The following CHN2 variants were observed in gnomAD, a reference collection of about 807,000 sequenced individuals.
The protein encoded by CHN2 is beta-chimaerin.
Under a neutral mutation model 56.3 loss-of-function variants are expected in CHN2, and 35 were observed. The ratio of observed to expected loss-of-function variants is 0.62; its 90% CI spans 0.47 to 0.82. The LOEUF is 0.82. Ranked by LOEUF, CHN2 falls within the 40% of genes least tolerant of loss-of-function variation. CHN2 has a pLI of 0.00. For missense variants in CHN2, 491 were observed against 580.5 expected (o/e 0.85, Z 1.58); for synonymous variants, 210 against 212.8 (o/e 0.99, Z 0.12).
chr7:29,272,343 C>T (rs140559502), intron 1 of CHN2, among the ~76,000 whole-genome samples: 1 of 152,128 alleles, frequency 6.6e-6, no homozygotes, highest in Non-Finnish European at 1.5e-5. Context: ...GACTATGCCT[C>T]GTTGAGAGCT....
At chr7:29,499,222 C>A (rs1412180114) in intron 8 of CHN2, among the ~76,000 whole-genome samples, 2 of 152,128 alleles carry the variant, frequency 1.3e-5, no homozygotes, top group Non-Finnish European at 2.9e-5. Flanking sequence ...TTGTTATAAA[C>A]TCTCAAGTAC....
At chr7:29,371,988 C>T (rs1029082348) in intron 3 of CHN2, among the ~76,000 whole-genome samples, 20 of 152,018 alleles carry the variant, frequency 1.3e-4, no homozygotes, top group Non-Finnish European at 2.1e-4. Context: ...CTCACATATA[C>T]ACACACACAT....
At chr7:29,162,078 A>G (rs1379358728) in intron 2 of CHN2, among the ~76,000 whole-genome samples, 2 of 152,242 alleles carry the variant, frequency 1.3e-5, no homozygotes, top group African/African-American at 2.4e-5. Flanking sequence ...GCTGGTGGCA[A>G]TGTTAAACAG....
chr7:29,279,960 A>G (rs968963498), intron 1 of CHN2, among the ~76,000 whole-genome samples: 1 of 152,218 alleles, frequency 6.6e-6, no homozygotes, highest in Non-Finnish European at 1.5e-5. Context: ...GCTGTTGTCA[A>G]AATCAAGAGG....
At chr7:29,187,676 C>T (rs554046534) in intron 2 of CHN2, among the ~76,000 whole-genome samples, 7 of 151,970 alleles carry the variant, frequency 4.6e-5, no homozygotes, top group Admixed American at 1.3e-4. Flanking sequence ...TGCAATGAGC[C>T]GAGATTGCAC....
At chr7:29,308,891 A>G (rs1794370073) in intron 1 of CHN2, among the ~76,000 whole-genome samples, 1 of 152,182 alleles carries the variant, frequency 6.6e-6, no homozygotes, top group African/African-American at 2.4e-5. Context: ...TTCTTTGTTA[A>G]TTGTGTTCCT....
chr7:29,469,346 G>A (rs1410666427), intron 6 of CHN2, among the ~76,000 whole-genome samples: 1 of 152,204 alleles, frequency 6.6e-6, no homozygotes, highest in East Asian at 1.9e-4. Context: ...CAACACAGCA[G>A]GCAGAGCAAT....
intron 9 of CHN2, among the ~76,000 whole-genome samples, chr7:29,501,063 G>A (rs992532400): frequency 6.6e-6 from 1 of 152,092 alleles, no homozygotes; most frequent in Admixed American, 6.5e-5. Context: ...ATCCATTATT[G>A]TGTCCTAATT....
chr7:29,265,196 T>G (rs1277548152), intron 1 of CHN2, among the ~76,000 whole-genome samples: 1 of 152,216 alleles, frequency 6.6e-6, no homozygotes, highest in Non-Finnish European at 1.5e-5. Flanking sequence ...CAACTTCTCC[T>G]GACTCTAGAA....
At chr7:29,239,309 G>A (rs777697839) in intron 1 of CHN2, among the ~76,000 whole-genome samples, 3 of 152,162 alleles carry the variant, frequency 2.0e-5, no homozygotes, top group Non-Finnish European at 4.4e-5. Context: ...GTTGACCTGA[G>A]CAACTGAAGA....
At chr7:29,324,380 T>G (rs1333041461) in intron 1 of CHN2, among the ~76,000 whole-genome samples, 1 of 152,200 alleles carries the variant, frequency 6.6e-6, no homozygotes, top group Non-Finnish European at 1.5e-5. Context: ...TTTTATCATT[T>G]AAACCATAGC....
chr7:29,315,700 C>T (rs962290994), intron 1 of CHN2, among the ~76,000 whole-genome samples: 1 of 151,932 alleles, frequency 6.6e-6, no homozygotes, highest in Non-Finnish European at 1.5e-5. Context: ...ACAACTATTT[C>T]TCAACCTCTC....
At position 29,188,812 on chromosome 7, in the gene CHN2, T is replaced by C. The variant is rs201953789; in HGVS notation, c.274+41852T>C. The stretch of plus-strand genomic sequence containing the variant: ...AGAAAGTCGTCACCGGCATGGATAA[T>C]AGCTATAATTCCCAAACAGAAATCA... On this transcript the variant is annotated intron_variant, in intron 2 of 6. Coordinates refer to the CHN2 transcript ENST00000439384. Among the ~76,000 whole-genome samples the C allele has an allele frequency of 3.9e-5, 6 of 152,190 alleles. No homozygotes were observed. The East Asian group carries it at 9.6e-4, about 24-fold the overall frequency.
intron 2 of CHN2, among the ~76,000 whole-genome samples, chr7:29,173,314 G>A (rs114969369): frequency 6.6e-6 from 1 of 152,020 alleles, no homozygotes; most frequent in African/African-American, 2.4e-5. Context: ...TGGTAGCCTC[G>A]AGTGGGGGCC....
At chr7:29,163,706 T>C (rs973585405) in intron 2 of CHN2, among the ~76,000 whole-genome samples, 1 of 152,216 alleles carries the variant, frequency 6.6e-6, no homozygotes, top group African/African-American at 2.4e-5. Flanking sequence ...TCCTGCCATC[T>C]CTGTCACCAG....
chr7:29,503,992 T>C (rs77271552), intron 9 of CHN2, among the ~76,000 whole-genome samples: 1,709 of 152,294 alleles, frequency 0.011, 16 homozygotes, highest in Middle Eastern at 0.017. Flanking sequence ...TAGCCTAAAT[T>C]TGCAGTGATC....
At chr7:29,197,977 G>C (rs1562823614) in intron 1 of CHN2, 2 of 456,304 alleles carry the variant, frequency 4.4e-6, no homozygotes, top group Non-Finnish European at 8.8e-6. Flanking sequence ...TAAAGGCCTG[G>C]AGATGGGTAA....
chr7:29,503,640 G>A (rs1260758698), intron 9 of CHN2, among the ~76,000 whole-genome samples: 1 of 152,166 alleles, frequency 6.6e-6, no homozygotes, highest in South Asian at 2.1e-4. Flanking sequence ...ATGAGGGGAA[G>A]TATTCGTGAT....
chr7:29,490,111 CT>C (rs34148468), intron 7 of CHN2, among the ~76,000 whole-genome samples: 26,437 of 136,272 alleles, frequency 0.19, 2,037 homozygotes, highest in Middle Eastern at 0.23. Flanking sequence ...GATGTCATTC[CT>C]TTTTTTTTTT....
Sources: allele counts gnomAD v4.1 joint callset (sites outside exome capture counted in the v4.1 genomes callset), GRCh38; gene constraint gnomAD v4.1.1; transcripts MANE v1.5; gene names NCBI Gene and HGNC (gene_info 2026-07-23, HGNC 2026-07-21).